The following AMY2B variants were observed in gnomAD, a reference collection of about 807,000 sequenced individuals.
The protein encoded by AMY2B is amylase alpha 2B.
A neutral mutation model predicts 59.3 loss-of-function variants in AMY2B; 63 were observed. The observed-to-expected ratio is 1.06, with a 90% confidence interval of 0.87 to 1.31. The LOEUF (loss-of-function observed/expected upper bound fraction) is 1.31, where lower values mean the gene tolerates loss of function less well. Ranked by LOEUF, AMY2B falls within the 50% of genes most tolerant of loss-of-function variation. The probability of loss-of-function intolerance (pLI) is 0.00; values close to 1 mark genes in which losing one functional copy is unlikely to be tolerated. For missense variants in AMY2B, 635 were observed against 626.7 expected (o/e 1.01, Z -0.14); for synonymous variants, 180 against 198.1 (o/e 0.91, Z 0.77).
upstream of AMY2B, chr1:103,570,323 G>A (rs75516768): frequency 0.027 from 17,661 of 643,592 alleles, 305 homozygotes; most frequent in South Asian, 0.035. Context: ...GCAGTGTCCC[G>A]AGACGCTGTT....
chr1:103,576,629 A>G (rs541666332), intron 7 of AMY2B, among the ~76,000 whole-genome samples: 2 of 152,294 alleles, frequency 1.3e-5, no homozygotes, highest in African/African-American at 4.8e-5. Context: ...ACATAATATT[A>G]AAACTGGTGT....
intron 1 of AMY2B, among the ~76,000 whole-genome samples, chr1:103,563,066 A>AATAT (rs1651786442): frequency 6.6e-6 from 1 of 152,094 alleles, no homozygotes; most frequent in African/African-American, 2.4e-5. Flanking sequence ...GACCCTCAGA[A>AATAT]ACTGGCTAAT....
In AMY2B at chr1:103,579,432, G is replaced by A; in HGVS notation, c.1468G>A (p.Ala490Thr). The A allele has an allele frequency of 2.5e-6, 4 of 1,611,746 alleles. No individual in the cohort carries two copies. The highest frequency in any genetic ancestry group is 2.5e-6 in the Non-Finnish European group (3 of 1,179,716). Reference sequence around the variant, plus strand: ...AATCTACGTTTCTGACGATGGCAAAGCTCATTTTTCTATTAGTAACTCTGC... The same window carrying A: ...AATCTACGTTTCTGACGATGGCAAAACTCATTTTTCTATTAGTAACTCTGC... The part of the protein sequence containing the change: ...IKIYVSDDGK[A>T]HFSISNSAED... The change falls in exon 10 of 10, where the codon GCT becomes ACT. Residue 490 changes from alanine (A) to threonine (T), a missense_variant. Coordinates refer to ENST00000684275, the MANE Select transcript of AMY2B (RefSeq NM_001387437.1).
chr1:103,571,028 G>C, upstream of AMY2B: 1 of 370,740 alleles, frequency 2.7e-6, no homozygotes, highest in Non-Finnish European at 4.3e-6. Flanking sequence ...GGGTATTAAT[G>C]TGTCAGGACT....
upstream of AMY2B, chr1:103,570,893 CTG>C (rs1652102597): frequency 5.5e-6 from 2 of 361,690 alleles, no homozygotes; most frequent in South Asian, 4.2e-5. Context: ...CCCTTGGTAT[CTG>C]TACATATCTT....
At chr1:103,566,848 A>G (rs74615958), upstream of AMY2B, among the ~76,000 whole-genome samples, 840 of 152,288 alleles carry the variant, frequency 5.5e-3, 25 homozygotes, top group Admixed American at 0.04. Context: ...GAGTTCATTG[A>G]TTTTTAGAAA....
At chr1:103,558,348 A>G (rs993711236) in intron 1 of AMY2B, among the ~76,000 whole-genome samples, 2 of 152,202 alleles carry the variant, frequency 1.3e-5, no homozygotes, top group Non-Finnish European at 2.9e-5. Context: ...AGAATAACCT[A>G]TTCTGTCCTG....
intron 1 of AMY2B, chr1:103,562,151 T>G (rs952985529): frequency 6.6e-6 from 1 of 152,214 alleles, no homozygotes; most frequent in African/African-American, 2.4e-5. Flanking sequence ...ACTTTTTGTC[T>G]TGAAATAAGT....
chr1:103,576,205 G>A (rs1035909117), intron 7 of AMY2B, among the ~76,000 whole-genome samples: 5 of 152,070 alleles, frequency 3.3e-5, no homozygotes, highest in African/African-American at 1.2e-4. Flanking sequence ...TAAACTAAAG[G>A]GTTCAGAAAC....
At chr1:103,578,785 G>A (rs1426111027) in intron 9 of AMY2B, among the ~76,000 whole-genome samples, 1 of 142,450 alleles carries the variant, frequency 7.0e-6, no homozygotes, top group Admixed American at 7.4e-5. Context: ...TTTACCTTAT[G>A]GGGAAAAAAG....
At chr1:103,576,765 A>G (rs1016027143) in intron 7 of AMY2B, among the ~76,000 whole-genome samples, 14 of 152,232 alleles carry the variant, frequency 9.2e-5, no homozygotes, top group Non-Finnish European at 1.9e-4. Flanking sequence ...CTTAATTTTT[A>G]TAGCAAAAAA....
upstream of AMY2B, chr1:103,571,417 A>G: frequency 2.3e-6 from 3 of 1,319,868 alleles, no homozygotes; most frequent in Non-Finnish European, 3.1e-6. Flanking sequence ...GGTCATTTAG[A>G]TGATTTCCAT....
At chr1:103,556,528 G>C (rs1319449994) in intron 1 of AMY2B, among the ~76,000 whole-genome samples, 2 of 151,738 alleles carry the variant, frequency 1.3e-5, no homozygotes, top group Non-Finnish European at 2.9e-5. Context: ...AATAAGAGTG[G>C]GGTGGCTGAA....
chr1:103,566,959 C>G (rs575748304), upstream of AMY2B, among the ~76,000 whole-genome samples: 15 of 152,130 alleles, frequency 9.9e-5, no homozygotes, highest in East Asian at 1.5e-3. Flanking sequence ...AAGACAATGT[C>G]AATCATTTTA....
At chr1:103,575,736 G>A (rs546464008) in intron 7 of AMY2B, 196 bp downstream of exon 7, 15 of 818,108 alleles carry the variant, frequency 1.8e-5, no homozygotes, top group Admixed American at 1.4e-4. Context: ...GAGTATGCAA[G>A]CCTTTTCAGA....
chr1:103,573,638 A>G, intron 3 of AMY2B, 70 bp from the exon 4 acceptor site: 3 of 1,596,940 alleles, frequency 1.9e-6, no homozygotes, highest in Non-Finnish European at 2.6e-6. Flanking sequence ...GGAATAAATG[A>G]ATAATCAAAT....
At chr1:103,560,829 T>C (rs776928932) in intron 1 of AMY2B, among the ~76,000 whole-genome samples, 5 of 152,178 alleles carry the variant, frequency 3.3e-5, no homozygotes, top group Admixed American at 6.6e-5. Context: ...TATTTTCATA[T>C]AATATTTTAT....
chr1:103,572,345 C>T, intron 2 of AMY2B, 89 bp downstream of exon 2: 1 of 1,532,048 alleles, frequency 6.5e-7, no homozygotes, highest in South Asian at 1.3e-5. Context: ...AGAAAGTTTT[C>T]CATATTTTAT....
At chr1:103,565,602 C>T (rs1196761065) in intron 2 of AMY2B, 2 of 152,190 alleles carry the variant, frequency 1.3e-5, no homozygotes, top group Non-Finnish European at 2.9e-5. Context: ...CAGGTAGGCT[C>T]ACAACACAAT....
Sources: allele counts gnomAD v4.1 joint callset (sites outside exome capture counted in the v4.1 genomes callset), GRCh38; gene constraint gnomAD v4.1.1; transcripts MANE v1.5; gene names NCBI Gene and HGNC (gene_info 2026-07-23, HGNC 2026-07-21).